SNX9: variants seen among roughly 807,000 people sequenced by gnomAD.
SNX9 encodes sorting nexin-9.
In SNX9, 44 loss-of-function variants were observed where a neutral mutation model predicts 89.4. That is an observed-to-expected ratio of 0.49 (90% confidence interval 0.39 to 0.63). SNX9 has a LOEUF of 0.63. SNX9 is among the 30% of genes least tolerant of loss of function. SNX9 has a pLI of 0.00. For synonymous variants in SNX9, 236 were observed against 247.8 expected (o/e 0.95, Z 0.45); for missense variants, 578 against 736.1 (o/e 0.79, Z 2.49).
chr6:157,911,112 C>CAAATAAAT (rs3838669), intron 9 of SNX9, among the ~76,000 whole-genome samples: 2,535 of 150,594 alleles, frequency 0.017, 83 homozygotes, highest in African/African-American at 0.059. Context: ...GACTCTGTCT[C>CAAATAAAT]AAATAAATAA....
chr6:157,915,513 C>T lies in SNX9; in HGVS notation c.949+5488C>T, dbSNP rs543258432. On this transcript the variant is annotated intron_variant, in intron 9 of 17. Transcript: ENST00000392185. Reference sequence around the variant, plus strand: ...ATGTGTAAGAATTTCAGGCCAGGCGCGGTGGCTCATGCCTGTAATCTCAGC... The same window carrying T: ...ATGTGTAAGAATTTCAGGCCAGGCGTGGTGGCTCATGCCTGTAATCTCAGC... Among the ~76,000 whole-genome samples, 6 of 149,760 alleles carry T rather than the reference C, an allele frequency of 4.0e-5. No individual in the cohort carries two copies. The South Asian group carries it at 6.4e-4, about 16-fold the overall frequency.
At chr6:157,834,163 T>G (rs1053076905) in intron 1 of SNX9, among the ~76,000 whole-genome samples, 23 of 105,324 alleles carry the variant, frequency 2.2e-4, no homozygotes, top group African/African-American at 7.6e-4. Flanking sequence ...TTTTTTTTTT[T>G]TTTTTTTTTT....
intron 5 of SNX9, among the ~76,000 whole-genome samples, chr6:157,899,998 A>G (rs1235130851): frequency 6.6e-6 from 1 of 152,090 alleles, no homozygotes; most frequent in Non-Finnish European, 1.5e-5. Context: ...ATAATGCAAT[A>G]TCATTAACTG....
intron 3 of SNX9, chr6:157,874,187 C>T (rs1159946031): frequency 2.6e-5 from 4 of 152,244 alleles, no homozygotes; most frequent in Non-Finnish European, 5.9e-5. Context: ...GAGTCATGAC[C>T]CCTCAGAGAA....
At chr6:157,855,532 TAGC>T (rs2115124777) in intron 1 of SNX9, among the ~76,000 whole-genome samples, 1 of 152,356 alleles carries the variant, frequency 6.6e-6, no homozygotes, top group Non-Finnish European at 1.5e-5. Flanking sequence ...AGCATGGTGT[TAGC>T]AGAGTTTTGC....
rs77495024 is a variant in SNX9, at chr6:157,831,703, C to T, written c.12+8257C>T. Among the ~76,000 whole-genome samples, 437 of 152,298 alleles carry T rather than the reference C, an allele frequency of 2.9e-3. 7 individuals are homozygous for T. Among genetic ancestry groups the T allele is most frequent in the African/African-American group, 0.01 (417 of 41,556 alleles). ...GCTTTCACTTCCTTTGTGGCCTCTC[C>T]GGAGCCTTTCCTTTTGTGCTAACTC... On this transcript the variant is annotated intron_variant, in intron 1 of 17. Transcript: ENST00000392185.
Position 157,866,840 on chromosome 6 carries a change from A to T in SNX9, c.13-707A>T, listed in dbSNP as rs142854640. ...TGCGTGTGTGTATGTCTCTGTCTTC[A>T]GTTTCTGAGAGTCAGTGTTCCCAGA... On this transcript the variant is annotated intron_variant, in intron 1 of 17. Transcript: ENST00000392185. Among the ~76,000 whole-genome samples, 350 of 152,350 alleles carry T rather than the reference A, an allele frequency of 2.3e-3. 2 individuals are homozygous for T. Among genetic ancestry groups the T allele is most frequent in the Non-Finnish European group, 4.1e-3 (276 of 68,036 alleles).
intron 4 of SNX9, among the ~76,000 whole-genome samples, chr6:157,893,902 A>G (rs960614772): frequency 2.0e-4 from 31 of 152,248 alleles, no homozygotes; most frequent in South Asian, 2.1e-4. Context: ...TGGTTTTTCT[A>G]TGAAAGTGTG....
At chr6:157,915,822 CA>C (rs570701086) in intron 9 of SNX9, among the ~76,000 whole-genome samples, 7,094 of 89,292 alleles carry the variant, frequency 0.079, 654 homozygotes, top group African/African-American at 0.23. Context: ...TAGACTCTGT[CA>C]AAAAAAAAAA....
rs377003870 is a variant in SNX9 at position 157,875,031 on chromosome 6, C to T, written c.175-20C>T. The T allele has an allele frequency of 9.3e-5, 150 of 1,611,730 alleles. 1 individual carries two copies. In the African/African-American group the frequency reaches 1.8e-3, roughly 20 times the overall value. On this transcript the variant is annotated intron_variant, in intron 3 of 17. Coordinates refer to ENST00000392185, the MANE Select transcript of SNX9 (RefSeq NM_016224.5). ...TGACCGTAATCTATGAAAATAATTG[C>T]GGCTCTTTCTCCTATTCAGATTTTA...
chr6:157,840,429 T>TTTTCTTTCC lies in SNX9; in HGVS notation c.12+16997_12+17005dup, dbSNP rs927969227. 7.9e-4 allele frequency among the ~76,000 whole-genome samples: 89 copies of TTTTCTTTCC among 113,154 alleles called. 4 individuals carry two copies. In the South Asian group the frequency reaches 0.02, roughly 25 times the overall value. 74.2% of individuals were successfully genotyped at this position (113,154 alleles called of 152,430 possible). ...ATACTTTCTTTCTTTCTTTTCTTTC[T>TTTTCTTTCC]TTTCTTTCCTTTCTTTCCTTTCCTT... On this transcript the variant is annotated intron_variant, in intron 1 of 17. Coordinates refer to ENST00000392185, the MANE Select transcript of SNX9 (RefSeq NM_016224.5).
chr6:157,826,927 G>GTTTATATAATATATAAAATATATTATAT, intron 1 of SNX9, among the ~76,000 whole-genome samples: 1 of 88,048 alleles, frequency 1.1e-5, no homozygotes, highest in African/African-American at 5.8e-5. Flanking sequence ...ATATATTATA[G>GTTTATATAATATATAAAATATATTATAT]TTTATATAAT....
intron 1 of SNX9, among the ~76,000 whole-genome samples, chr6:157,844,600 G>GTTTTTTTTTTTTT (rs34836632): frequency 8.3e-5 from 11 of 131,814 alleles, no homozygotes; most frequent in African/African-American, 2.6e-4. Context: ...TTTTTTTTTT[G>GTTTTTTTTTTTTT]TTTTTTTTTT....
At position 157,910,024 on chromosome 6, in the gene SNX9, A is replaced by T. The variant is rs142850582; in HGVS notation, c.948A>T (p.Thr316=). Residue 316 remains threonine, a splice_region_variant and synonymous_variant, in exon 9 of 18, where the codon ACA becomes ACT. Coordinates refer to ENST00000392185, the MANE Select transcript of SNX9 (RefSeq NM_016224.5). ...CTTCTCTTCCAGACAAACAAGTCAC[A>T]GGTGAGTGTGTGTAATGCTAAACCC... ...PIPSLPDKQV[T]GRFEEEFIKM... is the part of the protein sequence containing the mutation. 126 of 1,609,664 alleles carry T rather than the reference A, an allele frequency of 7.8e-5. No homozygotes were observed. In the African/African-American group the frequency reaches 1.4e-3, roughly 18 times the overall value.
At chr6:157,828,557 G>C (rs373640744) in intron 1 of SNX9, among the ~76,000 whole-genome samples, 1 of 151,968 alleles carries the variant, frequency 6.6e-6, no homozygotes, top group Admixed American at 6.6e-5. Flanking sequence ...GCAGTGGCAC[G>C]AACACAGCTC....
intron 13 of SNX9, among the ~76,000 whole-genome samples, chr6:157,933,123 C>CA (rs1156511431): frequency 1.3e-5 from 2 of 151,660 alleles, no homozygotes; most frequent in South Asian, 2.1e-4. Flanking sequence ...CCCATCTCTA[C>CA]AAAAAAATAA....
At chr6:157,844,587 G>GTTTTTTTTTTTTTTTTTTTTTTTTTT (rs1177648226) in intron 1 of SNX9, among the ~76,000 whole-genome samples, 1 of 130,298 alleles carries the variant, frequency 7.7e-6, no homozygotes, top group African/African-American at 3.0e-5. Flanking sequence ...GCTAATCCTT[G>GTTTTTTTTTTTTTTTTTTTTTTTTTT]TTTTTTTTTT....
chr6:157,897,493 G>C, intron 5 of SNX9, among the ~76,000 whole-genome samples: 1 of 151,886 alleles, frequency 6.6e-6, no homozygotes, highest in East Asian at 1.9e-4. Flanking sequence ...TCATCACATA[G>C]GCATGATCGA....
chr6:157,882,456 TA>T (rs1387282564), intron 4 of SNX9, among the ~76,000 whole-genome samples: 1 of 152,238 alleles, frequency 6.6e-6, no homozygotes, highest in Non-Finnish European at 1.5e-5. Flanking sequence ...TTCTAAGTCC[TA>T]TAAGAAATAC....
Sources: allele counts gnomAD v4.1 joint callset (sites outside exome capture counted in the v4.1 genomes callset), GRCh38; gene constraint gnomAD v4.1.1; transcripts MANE v1.5; gene names NCBI Gene and HGNC (gene_info 2026-07-23, HGNC 2026-07-21).